Variants in PLEKHH2 observed in about 807,000 individuals in gnomAD.
PLEKHH2 encodes pleckstrin homology domain-containing family H member 2.
Under a neutral mutation model 187.9 loss-of-function variants are expected in PLEKHH2, and 129 were observed. The observed-to-expected ratio is 0.69, with a 90% CI of 0.59 to 0.79. PLEKHH2 has a LOEUF of 0.79. PLEKHH2 is among the 30% of genes least tolerant of loss of function. PLEKHH2 has a pLI of 0.00. For missense variants in PLEKHH2, 2,076 were observed against 1,751.2 expected, an observed-to-expected ratio of 1.19 and a Z score of -3.31; for synonymous variants, 686 against 605.6, an observed-to-expected ratio of 1.13 and a Z score of -1.95.
intron 3 of PLEKHH2, among the ~76,000 whole-genome samples, chr2:43,687,303 T>C (rs768991302): frequency 4.1e-4 from 63 of 152,216 alleles, no homozygotes; most frequent in Non-Finnish European, 7.3e-4. Context: ...GTTGCATCCA[T>C]GTTGCTACAA....
rs1572626681 is a variant in PLEKHH2, at chr2:43,726,544, G to C, written c.2721+93G>C. On this transcript the variant is annotated intron_variant, in intron 17 of 29. Coordinates refer to ENST00000282406, the MANE Select transcript of PLEKHH2 (RefSeq NM_172069.4). ...TATCAAATCAATTTAATGGAAATAA[G>C]GAAGAAAATTTTGCTATAGACTTTC... 4.8e-6 allele frequency: 6 copies of C among 1,247,202 alleles called. No individual in the cohort carries two copies. In the South Asian group the frequency reaches 7.2e-5, roughly 15 times the overall value. The allele number at this position is 1,247,202 out of a possible 1,614,324, so 77.3% of individuals were successfully genotyped here.
At chr2:43,696,148 CAT>C (rs1265790479) in intron 6 of PLEKHH2, among the ~76,000 whole-genome samples, 1 of 151,942 alleles carries the variant, frequency 6.6e-6, no homozygotes, top group African/African-American at 2.4e-5. Context: ...TTAAAAAAAA[CAT>C]ATATCTCCAA....
chr2:43,684,223 C>A (rs1439236475), intron 3 of PLEKHH2, among the ~76,000 whole-genome samples: 2 of 151,610 alleles, frequency 1.3e-5, no homozygotes, highest in South Asian at 2.1e-4. Context: ...CTTTCCCTTC[C>A]CTTCTTTTTC....
chr2:43,679,438 A>C, intron 3 of PLEKHH2: 2 of 317,758 alleles, frequency 6.3e-6, no homozygotes, highest in Non-Finnish European at 1.2e-5. Context: ...AACACCCCAA[A>C]ATTTTAACAA....
intron 20 of PLEKHH2, among the ~76,000 whole-genome samples, chr2:43,740,335 G>T (rs187319505): frequency 6.6e-6 from 1 of 152,110 alleles, no homozygotes; most frequent in Non-Finnish European, 1.5e-5. Context: ...CTTGTTTAGT[G>T]GTTGAGCATT....
intron 2 of PLEKHH2, among the ~76,000 whole-genome samples, chr2:43,674,714 G>C (rs907612854): frequency 4.6e-4 from 70 of 152,184 alleles, no homozygotes; most frequent in Non-Finnish European, 6.9e-4. Context: ...GCTGCGTGTG[G>C]TGGGTCATGC....
At position 43,743,884 on chromosome 2, in the gene PLEKHH2, G is replaced by C; in HGVS notation, c.3450G>C (p.Leu1150Phe). 2 of 1,614,044 alleles carry C rather than the reference G, an allele frequency of 1.2e-6. No individual in the cohort carries two copies. The highest frequency in any genetic ancestry group is 1.7e-6 in the Non-Finnish European group (2 of 1,179,964). The part of the protein sequence containing the change: ...STTVEEFLNT[L>F]NQDTGMRKPA... ...CAGTGGAAGAATTTTTGAATACTTT[G>C]AACCAGGACACAGGAATGAGGAAAC... is the stretch of plus-strand genomic sequence containing the variant. Residue 1150 changes from leucine to phenylalanine, a missense_variant, in exon 23 of 30, where the codon TTG becomes TTC. Coordinates refer to ENST00000282406, the MANE Select transcript of PLEKHH2 (RefSeq NM_172069.4).
intron 28 of PLEKHH2, among the ~76,000 whole-genome samples, chr2:43,763,876 C>T (rs1672523747): frequency 6.6e-6 from 1 of 151,826 alleles, no homozygotes; most frequent in Non-Finnish European, 1.5e-5. Flanking sequence ...AGTAATATGG[C>T]TTAACCTAAC....
At chr2:43,676,815 C>G (rs1667823601) in intron 2 of PLEKHH2, among the ~76,000 whole-genome samples, 1 of 152,134 alleles carries the variant, frequency 6.6e-6, no homozygotes, top group African/African-American at 2.4e-5. Flanking sequence ...TCTATACTCT[C>G]TCCATCAGTC....
At chr2:43,717,218 GAC>G (rs1478038450) in intron 15 of PLEKHH2, among the ~76,000 whole-genome samples, 2 of 152,306 alleles carry the variant, frequency 1.3e-5, no homozygotes, top group African/African-American at 4.8e-5. Flanking sequence ...AGAAGTTTGA[GAC>G]CAGCCTGGCC....
At chr2:43,722,076 A>G (rs1670508018) in intron 16 of PLEKHH2, among the ~76,000 whole-genome samples, 1 of 150,830 alleles carries the variant, frequency 6.6e-6, no homozygotes, top group Non-Finnish European at 1.5e-5. Flanking sequence ...ACATAGCAAA[A>G]CCTAGTCTCT....
intron 3 of PLEKHH2, among the ~76,000 whole-genome samples, chr2:43,681,803 A>G (rs1464515358): frequency 1.3e-5 from 2 of 152,018 alleles, no homozygotes; most frequent in Non-Finnish European, 1.5e-5. Flanking sequence ...ATCACCCTCA[A>G]TTTTTATTTT....
intron 21 of PLEKHH2, among the ~76,000 whole-genome samples, chr2:43,742,310 T>C (rs75035410): frequency 0.012 from 1,434 of 117,088 alleles, 27 homozygotes; most frequent in African/African-American, 0.051. Context: ...CCTGAAGACA[T>C]TTTTTTTTTT....
intron 3 of PLEKHH2, chr2:43,681,099 C>T (rs1328523166): frequency 9.6e-7 from 1 of 1,043,138 alleles, no homozygotes. Flanking sequence ...CCAACCAACT[C>T]CAGAATTACT....
intron 2 of PLEKHH2, among the ~76,000 whole-genome samples, chr2:43,667,251 A>G (rs140585522): frequency 1.5e-3 from 221 of 152,346 alleles, no homozygotes; most frequent in African/African-American, 5.0e-3. Context: ...ACATCTTTTC[A>G]TACTCACTAG....
At chr2:43,732,945 G>C (rs935654531) in intron 19 of PLEKHH2, among the ~76,000 whole-genome samples, 1 of 151,102 alleles carries the variant, frequency 6.6e-6, no homozygotes, top group Admixed American at 6.7e-5. Context: ...CCAACTTTCT[G>C]CCTTGTGCTT....
intron 17 of PLEKHH2, among the ~76,000 whole-genome samples, chr2:43,728,561 TC>T (rs1337279962): frequency 8.5e-6 from 1 of 118,032 alleles, no homozygotes; most frequent in Non-Finnish European, 1.7e-5. Context: ...AACACAATAC[TC>T]TTTTTTTTTT....
At chr2:43,720,052 G>A (rs1670408565) in intron 15 of PLEKHH2, among the ~76,000 whole-genome samples, 1 of 152,126 alleles carries the variant, frequency 6.6e-6, no homozygotes, top group Admixed American at 6.5e-5. Context: ...TACATGCATT[G>A]ATTGCATAGT....
chr2:43,723,615 T>G (rs1172278867), intron 16 of PLEKHH2, among the ~76,000 whole-genome samples: 1 of 152,170 alleles, frequency 6.6e-6, no homozygotes, highest in Non-Finnish European at 1.5e-5. Flanking sequence ...AAAGGCAGGT[T>G]CCCTCCTGCC....
Sources: allele counts gnomAD v4.1 joint callset (sites outside exome capture counted in the v4.1 genomes callset), GRCh38; gene constraint gnomAD v4.1.1; transcripts MANE v1.5; gene names NCBI Gene and HGNC (gene_info 2026-07-23, HGNC 2026-07-21).